GABBR2: variants seen among roughly 807,000 people sequenced by gnomAD.
GABBR2 encodes G-protein coupled receptor 51.
GABBR2 carries 23 observed loss-of-function variants against 105.6 expected under a neutral mutation model. That is an observed-to-expected ratio of 0.22 (90% confidence interval 0.16 to 0.31). The LOEUF (loss-of-function observed/expected upper bound fraction) is 0.31. Among genes scored for constraint, GABBR2 ranks in the 10% least tolerant of loss-of-function variants. GABBR2 has a pLI of 1.00. For synonymous variants in GABBR2, 478 were observed against 499.7 expected, an observed-to-expected ratio of 0.96 and a Z score of 0.58; for missense variants, 734 against 1,245.5, an observed-to-expected ratio of 0.59 and a Z score of 6.18.
At chr9:98,406,483 C>T (rs1397094568) in intron 7 of GABBR2, among the ~76,000 whole-genome samples, 3 of 152,234 alleles carry the variant, frequency 2.0e-5, no homozygotes, top group African/African-American at 4.8e-5. Context: ...GGAAAGATGA[C>T]GGCAAAGGTG....
At chr9:98,472,049 A>G (rs1826694277) in intron 6 of GABBR2, among the ~76,000 whole-genome samples, 1 of 152,192 alleles carries the variant, frequency 6.6e-6, no homozygotes, top group Non-Finnish European at 1.5e-5. Context: ...GTTGGTTCCA[A>G]TTGAGATTAA....
chr9:98,665,276 ATCTCTCTC>A (rs55873825), intron 1 of GABBR2, among the ~76,000 whole-genome samples: 9 of 149,256 alleles, frequency 6.0e-5, no homozygotes, highest in Non-Finnish European at 8.9e-5. Context: ...CTCTCTCTCA[ATCTCTCTC>A]TCTCTCTCTC....
intron 1 of GABBR2, among the ~76,000 whole-genome samples, chr9:98,585,565 A>G (rs1473482500): frequency 2.0e-5 from 3 of 151,706 alleles, no homozygotes; most frequent in Non-Finnish European, 2.9e-5. Context: ...TGGGTGCAGC[A>G]CACCAACATG....
chr9:98,579,903 G>A (rs1001021694), intron 1 of GABBR2, among the ~76,000 whole-genome samples: 1 of 152,320 alleles, frequency 6.6e-6, no homozygotes, highest in South Asian at 2.1e-4. Context: ...AATTGATTGA[G>A]CAAAGTTCTA....
At chr9:98,676,286 C>A (rs1303775563) in intron 1 of GABBR2, among the ~76,000 whole-genome samples, 7 of 152,206 alleles carry the variant, frequency 4.6e-5, no homozygotes, top group Non-Finnish European at 8.8e-5. Context: ...TCAGAGCCTC[C>A]AGAAGGAATC....
intron 8 of GABBR2, among the ~76,000 whole-genome samples, chr9:98,398,906 C>G (rs1177702244): frequency 1.3e-5 from 2 of 152,140 alleles, no homozygotes; most frequent in African/African-American, 4.8e-5. Flanking sequence ...CCCTGGGGTA[C>G]AGTAACTGCC....
intron 3 of GABBR2, among the ~76,000 whole-genome samples, chr9:98,534,537 T>C (rs939882878): frequency 5.9e-5 from 9 of 152,178 alleles, no homozygotes; most frequent in African/African-American, 9.7e-5. Context: ...TCCTAACACA[T>C]TGAATCCTCC....
intron 1 of GABBR2, among the ~76,000 whole-genome samples, chr9:98,617,110 T>C (rs1829597868): frequency 6.6e-6 from 1 of 152,194 alleles, no homozygotes; most frequent in Non-Finnish European, 1.5e-5. Flanking sequence ...CTGCATTGCA[T>C]TTAAATAACT....
chr9:98,376,754 G>A (rs113958606), intron 11 of GABBR2, among the ~76,000 whole-genome samples: 2,707 of 152,258 alleles, frequency 0.018, 44 homozygotes, highest in Non-Finnish European at 0.03. Context: ...ATCTTCTCTG[G>A]AGCTTAGAGT....
chr9:98,524,137 T>A (rs954692107), intron 3 of GABBR2, among the ~76,000 whole-genome samples: 2 of 152,104 alleles, frequency 1.3e-5, no homozygotes, highest in Admixed American at 6.5e-5. Flanking sequence ...TCAATAAGCA[T>A]GGAAGAAGCT....
intron 3 of GABBR2, among the ~76,000 whole-genome samples, chr9:98,512,115 A>G (rs1440419331): frequency 2.0e-5 from 3 of 151,172 alleles, no homozygotes; most frequent in Admixed American, 6.6e-5. Context: ...ATGAAAATCA[A>G]TAAATGTAAT....
At chr9:98,292,001 C>CT (rs2131333651) in intron 18 of GABBR2, among the ~76,000 whole-genome samples, 1 of 152,340 alleles carries the variant, frequency 6.6e-6, no homozygotes, top group South Asian at 2.1e-4. Context: ...ACTCCCTTCT[C>CT]ATTGCCACAC....
chr9:98,504,887 G>T (rs1827473679), intron 3 of GABBR2, among the ~76,000 whole-genome samples: 1 of 152,152 alleles, frequency 6.6e-6, no homozygotes, highest in Non-Finnish European at 1.5e-5. Flanking sequence ...ACTTTTACTG[G>T]GGCTGGAGCT....
chr9:98,341,301 G>T (rs1831209658), intron 13 of GABBR2, among the ~76,000 whole-genome samples: 1 of 152,226 alleles, frequency 6.6e-6, no homozygotes, highest in African/African-American at 2.4e-5. Context: ...GGCTGGGCCA[G>T]GATCCATGCC....
At chr9:98,596,994 C>T (rs1243640658) in intron 1 of GABBR2, among the ~76,000 whole-genome samples, 1 of 152,138 alleles carries the variant, frequency 6.6e-6, no homozygotes, top group Non-Finnish European at 1.5e-5. Context: ...GCTGACTCGC[C>T]TTCCCTAGCA....
intron 17 of GABBR2, among the ~76,000 whole-genome samples, chr9:98,298,597 G>T (rs58170035): frequency 0.052 from 7,861 of 152,138 alleles, 334 homozygotes; most frequent in East Asian, 0.19. Context: ...TTTCTAAAAG[G>T]TAGGCAAAAA....
intron 1 of GABBR2, among the ~76,000 whole-genome samples, chr9:98,654,709 A>G (rs1830155905): frequency 6.6e-6 from 1 of 152,204 alleles, no homozygotes; most frequent in South Asian, 2.1e-4. Flanking sequence ...GAACTACATC[A>G]TGTGTATGAA....
intron 1 of GABBR2, among the ~76,000 whole-genome samples, chr9:98,624,833 C>T (rs760344084): frequency 6.6e-6 from 1 of 152,208 alleles, no homozygotes; most frequent in Non-Finnish European, 1.5e-5. Flanking sequence ...GACAGGGAGG[C>T]AGCTTGCATC....
intron 13 of GABBR2, among the ~76,000 whole-genome samples, chr9:98,328,113 TC>T (rs1389871196): frequency 2.0e-5 from 3 of 151,338 alleles, no homozygotes; most frequent in Non-Finnish European, 2.9e-5. Context: ...ACATTTAAGG[TC>T]CTCCCAGGAC....
Sources: allele counts gnomAD v4.1 joint callset (sites outside exome capture counted in the v4.1 genomes callset), GRCh38; gene constraint gnomAD v4.1.1; transcripts MANE v1.5; gene names NCBI Gene and HGNC (gene_info 2026-07-23, HGNC 2026-07-21).